Variants in BDH1 observed in about 807,000 individuals in gnomAD.
BDH1 encodes 3-hydroxybutyrate dehydrogenase 1.
Under a neutral mutation model 33.1 loss-of-function variants are expected in BDH1, and 30 were observed. The ratio of observed to expected loss-of-function variants is 0.91; its 90% confidence interval spans 0.68 to 1.23. The LOEUF is 1.23. BDH1 is among the 50% of genes most tolerant of loss of function. The probability of loss-of-function intolerance (pLI) is 0.00; values close to 1 mark genes in which losing one functional copy is unlikely to be tolerated. For missense variants in BDH1, 443 were observed against 464.4 expected, an observed-to-expected ratio of 0.95 and a Z score of 0.42; for synonymous variants, 190 against 183.6, an observed-to-expected ratio of 1.03 and a Z score of -0.28.
rs1404610105 is a variant in BDH1, at chr3:197,511,627, T to G, written c.*268A>C. ...TATAAAGATGTTTTCTTAAAATCTC[T>G]GTATGAAATTATCTCCGGAGAGATA... On this transcript the variant is annotated 3_prime_UTR_variant, in exon 8 of 8. Transcript: ENST00000392379. 3 of 417,108 alleles carry G rather than the reference T, an allele frequency of 7.2e-6. No individual in the cohort carries two copies. The highest frequency in any genetic ancestry group is 4.2e-6 in the Non-Finnish European group (1 of 236,804). 25.8% of individuals were successfully genotyped at this position (417,108 alleles called of 1,614,324 possible).
chr3:197,522,860 G>C lies in BDH1; in HGVS notation c.268-79C>G. ...ACCCTGAGGACTCCTGTCAAGGCAGGAGCTGGCCTCAAGTCCCAGCCAAAG... is the reference window on the plus strand; with the variant it reads ...ACCCTGAGGACTCCTGTCAAGGCAGCAGCTGGCCTCAAGTCCCAGCCAAAG... On this transcript the variant is annotated intron_variant, in intron 5 of 7. Transcript: ENST00000392379. This position sits in a 1 kb window ranked among gnomAD's most constrained non-coding sequence, Gnocchi z 4.8. 1.0e-5 allele frequency: 16 copies of C among 1,547,720 alleles called. No homozygotes were observed. Among genetic ancestry groups the C allele is most frequent in the Non-Finnish European group, 1.4e-5 (16 of 1,142,482 alleles).
At chr3:197,530,280 G>A (rs1482705867) in intron 5 of BDH1, 1 of 152,144 alleles carries the variant, frequency 6.6e-6, no homozygotes, top group African/African-American at 2.4e-5. Context: ...TGACCCCTAG[G>A]ATGGAAAATT....
chr3:197,535,095 C>T (rs1016832143), intron 3 of BDH1, among the ~76,000 whole-genome samples: 7 of 152,220 alleles, frequency 4.6e-5, no homozygotes, highest in Non-Finnish European at 1.0e-4. Context: ...GAGGACTCCA[C>T]CTTTATGACC....
chr3:197,559,895 G>A (rs1717205511), upstream of BDH1, among the ~76,000 whole-genome samples: 2 of 152,182 alleles, frequency 1.3e-5, no homozygotes, highest in African/African-American at 4.8e-5. Context: ...CGGCTGTGAG[G>A]TTGAACACAG....
At chr3:197,568,988 T>C (rs893643660) in intron 1 of BDH1, among the ~76,000 whole-genome samples, 2 of 152,252 alleles carry the variant, frequency 1.3e-5, no homozygotes, top group Admixed American at 1.3e-4. Flanking sequence ...GTGCCCTCTA[T>C]GCATTATTTC....
chr3:197,540,359 G>GGGCTTGTT (rs1173332250), intron 3 of BDH1, among the ~76,000 whole-genome samples: 2 of 149,080 alleles, frequency 1.3e-5, no homozygotes, highest in African/African-American at 4.9e-5. Flanking sequence ...CAGCCTACCT[G>GGGCTTGTT]ACATTTTTAA....
chr3:197,515,262 G>A (rs1712573198), intron 6 of BDH1: 1 of 984,412 alleles, frequency 1.0e-6, no homozygotes, highest in African/African-American at 1.7e-5. Flanking sequence ...GCATTTATTA[G>A]GGAAAGGAAA....
At position 197,514,604 on chromosome 3, in the gene BDH1, G is replaced by A. The variant is rs1712489821; in HGVS notation, c.410-188C>T. ...GGTAAAGAGGCCTAAAGTGCTGACT[G>A]CAGCCCTCCCTTGCGTCTAGAATGT... On this transcript the variant is annotated intron_variant, in intron 6 of 7. Coordinates refer to ENST00000392379, the MANE Select transcript of BDH1 (RefSeq NM_203314.3). The surrounding 1 kb of genome is among the most constrained non-coding windows in gnomAD (Gnocchi z 4.2). 6.6e-6 allele frequency among the ~76,000 whole-genome samples: 1 copy of A among 152,136 alleles called. No individual in the cohort carries two copies. The highest frequency in any genetic ancestry group is 1.9e-4 in the East Asian group (1 of 5,202).
intron 2 of BDH1, among the ~76,000 whole-genome samples, chr3:197,550,507 T>C (rs1182360086): frequency 6.6e-6 from 1 of 152,180 alleles, no homozygotes; most frequent in African/African-American, 2.4e-5. Context: ...GCAGAGACTA[T>C]GCTTTGGTCA....
chr3:197,564,371 T>C (rs2108775152), intron 1 of BDH1, among the ~76,000 whole-genome samples: 1 of 151,508 alleles, frequency 6.6e-6, no homozygotes, highest in East Asian at 1.9e-4. Flanking sequence ...TTTGGTTTGC[T>C]TAGGGAAAAA....
Position 197,512,333 on chromosome 3 carries a change from G to A in BDH1, c.594C>T (p.Gly198=). ...GRVVNISSML[G]RMANPARSPY... Reference sequence around the variant, plus strand: ...GGGAGCGGGCCGGGTTGGCCATGCGGCCCAGCATGCTGCTGATATTGACGA... The same window carrying A: ...GGGAGCGGGCCGGGTTGGCCATGCGACCCAGCATGCTGCTGATATTGACGA... Residue 198 remains glycine (G), a synonymous_variant, in exon 8 of 8, where the codon GGC becomes GGT. Transcript: ENST00000392379. 1 of 1,609,572 alleles carries A rather than the reference G, an allele frequency of 6.2e-7. No individual in the cohort carries two copies.
At chr3:197,546,082 A>G (rs1486903634) in intron 3 of BDH1, 1 of 253,366 alleles carries the variant, frequency 3.9e-6, no homozygotes, top group African/African-American at 2.2e-5. Context: ...GGTGGCAGTG[A>G]GCCGAGATCA....
chr3:197,548,818 T>C (rs1030333799), intron 2 of BDH1, among the ~76,000 whole-genome samples: 1 of 151,670 alleles, frequency 6.6e-6, no homozygotes, highest in African/African-American at 2.4e-5. Flanking sequence ...GCCACTGCAC[T>C]CCAGCCTGGG....
At chr3:197,564,934 G>GTTTT (rs1482913609) in intron 1 of BDH1, among the ~76,000 whole-genome samples, 1 of 151,998 alleles carries the variant, frequency 6.6e-6, no homozygotes, top group Non-Finnish European at 1.5e-5. Flanking sequence ...GTTTTGTTTT[G>GTTTT]TTTTTGAGAT....
At chr3:197,543,184 G>A (rs1324752847) in intron 3 of BDH1, 18 of 985,262 alleles carry the variant, frequency 1.8e-5, no homozygotes, top group Non-Finnish European at 2.0e-5. Flanking sequence ...CGGGGCTTAG[G>A]AGGAACACAT....
In BDH1 at chr3:197,514,471, G is replaced by T. The variant is rs1446060543; in HGVS notation, c.410-55C>A. 6.7e-7 allele frequency: 1 copy of T among 1,488,798 alleles called. No individual in the cohort carries two copies. Among genetic ancestry groups the T allele is most frequent in the African/African-American group, 1.4e-5 (1 of 70,762 alleles). The allele number at this position is 1,488,798 out of a possible 1,614,324, so 92.2% of individuals were successfully genotyped here. On this transcript the variant is annotated intron_variant, in intron 6 of 7. Coordinates refer to ENST00000392379, the MANE Select transcript of BDH1 (RefSeq NM_203314.3). The surrounding 1 kb of genome is among the most constrained non-coding windows in gnomAD (Gnocchi z 4.2). ...ACCACATGGGCTTGGCCCAGACATT[G>T]CCCATCAGCCTGCAGGCCAGCCTCC... is the stretch of plus-strand genomic sequence containing the variant.
chr3:197,548,309 G>T lies in BDH1; in HGVS notation c.-43-1823C>A, dbSNP rs763452150. Among the ~76,000 whole-genome samples, 112 of 152,296 alleles carry T rather than the reference G, an allele frequency of 7.4e-4. 2 individuals carry two copies. The highest frequency in any genetic ancestry group is 2.4e-4 in the Non-Finnish European group (16 of 68,026). On this transcript the variant is annotated intron_variant, in intron 2 of 7. Transcript: ENST00000392379. ...CCTCCCACCATCTAAGTACTGACCA[G>T]CTGGCTAAGCACACACATCTCTACC... is the stretch of plus-strand genomic sequence containing the variant.
chr3:197,510,189 G>C lies in BDH1; in HGVS notation c.*1706C>G, dbSNP rs564784240. ...GAGAGCGAGAACACTGTTTCTGAAGGGTGCTGCTTGCTTCTTTGTTCCCGG... is the reference window on the plus strand; with the variant it reads ...GAGAGCGAGAACACTGTTTCTGAAGCGTGCTGCTTGCTTCTTTGTTCCCGG... On this transcript the variant is annotated 3_prime_UTR_variant, in exon 8 of 8. Transcript: ENST00000392379. The C allele has an allele frequency of 6.6e-6, 1 of 152,398 alleles. No homozygotes were observed. Among genetic ancestry groups the C allele is most frequent in the Non-Finnish European group, 1.5e-5 (1 of 68,050 alleles). The allele number at this position is 152,398 out of a possible 1,614,324, so 9.4% of individuals were successfully genotyped here. A position where few individuals can be genotyped will look rare whatever the true frequency, so the allele number is the denominator to read the frequency against.
chr3:197,572,448 T>C (rs944413034), intron 1 of BDH1, among the ~76,000 whole-genome samples: 1 of 152,184 alleles, frequency 6.6e-6, no homozygotes, highest in Non-Finnish European at 1.5e-5. Flanking sequence ...TCTGGAAAAC[T>C]TTGTAATTTT....
Sources: allele counts gnomAD v4.1 joint callset (sites outside exome capture counted in the v4.1 genomes callset), GRCh38; gene constraint gnomAD v4.1.1; non-coding constraint Gnocchi (gnomAD v3.1); transcripts MANE v1.5; gene names NCBI Gene and HGNC (gene_info 2026-07-23, HGNC 2026-07-21).